The following ABL2 variants were observed in gnomAD, a reference collection of about 807,000 sequenced individuals.
The protein encoded by ABL2 is tyrosine-protein kinase ABL2.
Under a neutral mutation model 107.7 loss-of-function variants are expected in ABL2, and 49 were observed. That is an observed-to-expected ratio of 0.45 (90% CI 0.36 to 0.58). The LOEUF (loss-of-function observed/expected upper bound fraction) is 0.58, where lower values mean the gene tolerates loss of function less well. Ranked by LOEUF, ABL2 falls within the 20% of genes least tolerant of loss-of-function variation. The pLI is 0.00. For missense variants in ABL2, 1,245 were observed against 1,457.0 expected, an observed-to-expected ratio of 0.85 and a Z score of 2.37; for synonymous variants, 549 against 548.6, an observed-to-expected ratio of 1.00 and a Z score of -0.01.
chr1:179,224,725 A>G (rs1663095630), intron 1 of ABL2, among the ~76,000 whole-genome samples: 2 of 151,906 alleles, frequency 1.3e-5, no homozygotes, highest in South Asian at 4.2e-4. Flanking sequence ...AAGGTTTAAT[A>G]GCAGAGCTTG....
chr1:179,134,732 CTCCACGGTCGCCCTCTCCCTCTT>C (rs1311585547), intron 1 of ABL2, among the ~76,000 whole-genome samples: 5 of 135,440 alleles, frequency 3.7e-5, no homozygotes, highest in African/African-American at 1.3e-4. Flanking sequence ...CCCTCTCCCT[CTCCACGGTCGCCCTCTCCCTCTT>C]TCCACGGTCT....
intron 9 of ABL2, 34 bp downstream of exon 9, chr1:179,114,838 AGCTTAT>A: frequency 6.4e-7 from 1 of 1,565,886 alleles, no homozygotes; most frequent in Non-Finnish European, 8.6e-7. Flanking sequence ...CTGAACTGCT[AGCTTAT>A]GCCTTCAAAA....
intron 1 of ABL2, among the ~76,000 whole-genome samples, chr1:179,194,159 A>G (rs899237515): frequency 6.6e-6 from 1 of 152,182 alleles, no homozygotes; most frequent in Admixed American, 6.5e-5. Context: ...CATAAATTTC[A>G]TAATTTTGAC....
intron 8 of ABL2, among the ~76,000 whole-genome samples, chr1:179,115,820 A>C (rs1331006240): frequency 6.6e-6 from 1 of 152,212 alleles, no homozygotes; most frequent in Non-Finnish European, 1.5e-5. Flanking sequence ...TCAGAGCAGA[A>C]AAAAATTTGT....
At chr1:179,191,410 TC>T (rs1661001429) in intron 1 of ABL2, among the ~76,000 whole-genome samples, 4 of 128,190 alleles carry the variant, frequency 3.1e-5, no homozygotes, top group Non-Finnish European at 6.5e-5. Context: ...CTGTATGAAA[TC>T]CCTTTTTTTT....
At chr1:179,149,253 C>T (rs1349077819) in intron 1 of ABL2, among the ~76,000 whole-genome samples, 3 of 152,218 alleles carry the variant, frequency 2.0e-5, no homozygotes, top group East Asian at 3.8e-4. Flanking sequence ...TAATCCAGAG[C>T]AAGGCCCCAA....
chr1:179,117,964 C>CA (rs1311154422), intron 7 of ABL2, among the ~76,000 whole-genome samples: 1 of 149,840 alleles, frequency 6.7e-6, no homozygotes, highest in African/African-American at 2.5e-5. Context: ...AAAAAAAAAA[C>CA]AAAAAACAAA....
Position 179,126,260 on chromosome 1 carries a change from T to C in ABL2, c.687+117A>G. The C allele has an allele frequency of 8.2e-7, 1 of 1,218,192 alleles. No homozygotes were observed. The highest frequency in any genetic ancestry group is 1.6e-5 in the South Asian group (1 of 64,408). The allele number at this position is 1,218,192 out of a possible 1,614,324, so 75.5% of individuals were successfully genotyped here. On this transcript the variant is annotated intron_variant, in intron 4 of 11. Coordinates refer to ENST00000502732, the MANE Select transcript of ABL2 (RefSeq NM_007314.4). This position sits in a 1 kb window ranked among gnomAD's most constrained non-coding sequence, Gnocchi z 4.4. ...GCCAAAAAGCCCAAACTCACAAAGC[T>C]AGTGAATATTTTATTTCACGTCAGA...
At chr1:179,180,138 A>G (rs75758935) in intron 1 of ABL2, among the ~76,000 whole-genome samples, 4,950 of 149,630 alleles carry the variant, frequency 0.033, 137 homozygotes, top group African/African-American at 0.06. Context: ...AAAAAAAAAA[A>G]GGGGGGAAAT....
chr1:179,181,702 T>C (rs1207813019), intron 1 of ABL2, among the ~76,000 whole-genome samples: 1 of 152,168 alleles, frequency 6.6e-6, no homozygotes, highest in Non-Finnish European at 1.5e-5. Context: ...AATACACGAA[T>C]TCATATAATC....
intron 1 of ABL2, among the ~76,000 whole-genome samples, chr1:179,225,747 G>GA (rs1050023522): frequency 8.5e-5 from 13 of 152,192 alleles, no homozygotes; most frequent in African/African-American, 2.9e-4. Flanking sequence ...CCGAGGTTAA[G>GA]AAACTATGAC....
rs555179225 is a variant in ABL2, at chr1:179,182,704, T to C, written c.157+46537A>G. On this transcript the variant is annotated intron_variant, in intron 1 of 11. Coordinates refer to ENST00000502732, the MANE Select transcript of ABL2 (RefSeq NM_007314.4). ...ACACTCATAAACCTTTTAATCTTAA[T>C]TGCTAGCTTTATGGTTGTGTTTATT... Among the ~76,000 whole-genome samples the C allele has an allele frequency of 7.1e-4, 108 of 152,322 alleles. 1 individual carries two copies. Among genetic ancestry groups the C allele is most frequent in the African/African-American group, 2.5e-3 (106 of 41,578 alleles).
At chr1:179,156,308 A>G (rs1212840224) in intron 1 of ABL2, among the ~76,000 whole-genome samples, 1 of 152,208 alleles carries the variant, frequency 6.6e-6, no homozygotes, top group Non-Finnish European at 1.5e-5. Flanking sequence ...CCCTTATTTC[A>G]GCAGCTACTG....
intron 1 of ABL2, among the ~76,000 whole-genome samples, chr1:179,168,375 GTATT>G (rs1466477481): frequency 6.6e-6 from 1 of 151,660 alleles, no homozygotes; most frequent in African/African-American, 2.4e-5. Flanking sequence ...TTGTTATACT[GTATT>G]TGTTATTTTT....
At chr1:179,229,170 G>GCC in intron 1 of ABL2, 71 bp downstream of exon 1, 10 of 266,256 alleles carry the variant, frequency 3.8e-5, no homozygotes, top group Non-Finnish European at 5.4e-5. Context: ...CAGCCCGTCC[G>GCC]CCACCCACCC....
chr1:179,133,373 A>G lies in ABL2; in HGVS notation c.159T>C (p.Asp53=). Residue 53 remains aspartate, a splice_region_variant and synonymous_variant, in exon 2 of 12, where the codon GAT becomes GAC. Transcript: ENST00000502732. ...ETGFNIFTQH[D]HFASCVEDGF... ...CATCCTCCACACAGCTGGCAAAGTGATCTATTTAAGAAAAAAATTGACCAC... is the reference window on the plus strand; with the variant it reads ...CATCCTCCACACAGCTGGCAAAGTGGTCTATTTAAGAAAAAAATTGACCAC... 6.2e-7 allele frequency: 1 copy of G among 1,614,110 alleles called. No individual in the cohort carries two copies. Among genetic ancestry groups the G allele is most frequent in the Non-Finnish European group, 8.5e-7 (1 of 1,180,010 alleles).
chr1:179,141,588 TA>T (rs1657594622), intron 1 of ABL2, among the ~76,000 whole-genome samples: 1 of 152,204 alleles, frequency 6.6e-6, no homozygotes, highest in African/African-American at 2.4e-5. Context: ...GCCAAAGTAC[TA>T]AAAGAACCAC....
At chr1:179,130,931 G>C (rs1202925821) in intron 3 of ABL2, among the ~76,000 whole-genome samples, 1 of 146,982 alleles carries the variant, frequency 6.8e-6, no homozygotes, top group Non-Finnish European at 1.5e-5. Context: ...ATGTATTTCA[G>C]GATAATTTTT....
chr1:179,107,621 TGA>T lies in ABL2; in HGVS notation c.*95_*96del. 6.6e-7 allele frequency: 1 copy of T among 1,514,682 alleles called. No homozygotes were observed. Among genetic ancestry groups the T allele is most frequent in the African/African-American group, 1.4e-5 (1 of 71,808 alleles). 93.8% of individuals were successfully genotyped at this position (1,514,682 alleles called of 1,614,324 possible). ...TACTTCACATAAACACACTCAAGTATGAGTCTTTCATTTTCTGAAAACAAGAA... is the reference window on the plus strand; with the variant it reads ...TACTTCACATAAACACACTCAAGTATGTCTTTCATTTTCTGAAAACAAGAA... On this transcript the variant is annotated 3_prime_UTR_variant, in exon 12 of 12. Transcript: ENST00000502732.
Sources: allele counts gnomAD v4.1 joint callset (sites outside exome capture counted in the v4.1 genomes callset), GRCh38; gene constraint gnomAD v4.1.1; non-coding constraint Gnocchi (gnomAD v3.1); transcripts MANE v1.5; gene names NCBI Gene and HGNC (gene_info 2026-07-23, HGNC 2026-07-21).